The following FAM118A variants were observed in gnomAD, a reference collection of about 807,000 sequenced individuals.
FAM118A encodes the protein SIR2 antiphage like 2, also known as protein FAM118A.
A neutral mutation model predicts 38.2 loss-of-function variants in FAM118A; 25 were observed. The ratio of observed to expected loss-of-function variants is 0.65; its 90% CI spans 0.48 to 0.91. The LOEUF (loss-of-function observed/expected upper bound fraction) is 0.91, where lower values mean the gene tolerates loss of function less well. FAM118A is among the 40% of genes least tolerant of loss of function. The probability of loss-of-function intolerance (pLI) is 0.00; values close to 1 mark genes in which losing one functional copy is unlikely to be tolerated. For missense variants in FAM118A, 425 were observed against 463.3 expected, an observed-to-expected ratio of 0.92 and a Z score of 0.76; for synonymous variants, 178 against 184.1, an observed-to-expected ratio of 0.97 and a Z score of 0.27.
At chr22:45,334,427 G>GT (rs1418265219) in intron 6 of FAM118A, among the ~76,000 whole-genome samples, 1 of 152,126 alleles carries the variant, frequency 6.6e-6, no homozygotes, top group African/African-American at 2.4e-5. Context: ...AGTTTTTGTT[G>GT]TTTTTTTAAC....
chr22:45,336,974 A>G (rs1324255820), intron 8 of FAM118A, among the ~76,000 whole-genome samples: 3 of 152,214 alleles, frequency 2.0e-5, no homozygotes, highest in Non-Finnish European at 2.9e-5. Flanking sequence ...TTATCTAAAC[A>G]GTGTATTTGA....
intron 8 of FAM118A, among the ~76,000 whole-genome samples, chr22:45,338,292 C>T (rs151104924): frequency 0.026 from 3,991 of 152,094 alleles, 90 homozygotes; most frequent in Non-Finnish European, 0.041. Context: ...TGCAGTGGCG[C>T]GATCTCGGCT....
intron 6 of FAM118A, chr22:45,335,075 GGA>G (rs2085989938): frequency 2.1e-6 from 1 of 466,988 alleles, no homozygotes; most frequent in African/African-American, 2.0e-5. Flanking sequence ...ACTCCTGATG[GGA>G]GAGGAGGCCC....
rs1198234087 is a variant in FAM118A, at chr22:45,332,481, G to A, written c.708G>A (p.Glu236=). ...TKSFLFVGCG[E]TLRDQIFQAL... is the part of the protein sequence containing the mutation. ...CCTTTCTGTTTGTGGGCTGTGGGGA[G>A]ACCCTTCGTGATCAGATATTCCAGG... Residue 236 remains glutamate (E), a synonymous_variant, in exon 6 of 9, where the codon GAG becomes GAA. Coordinates refer to ENST00000441876, the MANE Select transcript of FAM118A (RefSeq NM_017911.4). 1.9e-6 allele frequency: 3 copies of A among 1,614,066 alleles called. No individual in the cohort carries two copies. Among genetic ancestry groups the A allele is most frequent in the African/African-American group, 1.3e-5 (1 of 74,928 alleles).
rs958195497 is a variant in FAM118A at position 45,340,744 on chromosome 22, A to T, written c.*339A>T. ...TGTCAAGGTGGTATTTTTCGTAATA[A>T]AAGGGGAAGAGTAAAGACTGTCCAA... On this transcript the variant is annotated 3_prime_UTR_variant, in exon 9 of 9. Coordinates refer to ENST00000441876, the MANE Select transcript of FAM118A (RefSeq NM_017911.4). 17 of 395,224 alleles carry T rather than the reference A, an allele frequency of 4.3e-5. No individual in the cohort carries two copies. The South Asian group carries it at 7.5e-4, about 17-fold the overall frequency. 24.5% of individuals were successfully genotyped at this position (395,224 alleles called of 1,614,324 possible).
rs559650552 is a variant in FAM118A at position 45,313,495 on chromosome 22, G to A, written c.-10+3312G>A. ...CTGCCACCTTGCCCAGCTACTTTTT[G>A]TATTTTTAGTAGAGACGGGGTTTCA... is the stretch of plus-strand genomic sequence containing the variant. On this transcript the variant is annotated intron_variant, in intron 1 of 8. Transcript: ENST00000441876. 1.4e-4 allele frequency among the ~76,000 whole-genome samples: 21 copies of A among 152,000 alleles called. No individual in the cohort carries two copies. The South Asian group carries it at 4.4e-3, about 32-fold the overall frequency.
At chr22:45,329,787 C>T (rs988539058) in intron 4 of FAM118A, 1 of 152,268 alleles carries the variant, frequency 6.6e-6, no homozygotes, top group African/African-American at 2.4e-5. Context: ...TGGAAACAGA[C>T]AGCCAGTTGC....
At chr22:45,327,347 G>C (rs924766560) in intron 3 of FAM118A, among the ~76,000 whole-genome samples, 1 of 151,630 alleles carries the variant, frequency 6.6e-6, no homozygotes, top group South Asian at 2.1e-4. Context: ...ACTGTGCAGC[G>C]CTCAGGGAAA....
chr22:45,327,022 AAAT>A (rs2085324219), intron 3 of FAM118A, among the ~76,000 whole-genome samples: 1 of 151,058 alleles, frequency 6.6e-6, no homozygotes, highest in African/African-American at 2.4e-5. Context: ...TCAAAAAATA[AAAT>A]AATAAAATGA....
At chr22:45,335,763 GC>G (rs1431364881) in intron 7 of FAM118A, among the ~76,000 whole-genome samples, 2 of 152,340 alleles carry the variant, frequency 1.3e-5, no homozygotes, top group Non-Finnish European at 2.9e-5. Context: ...GTCTGAGCTT[GC>G]ACACAGAAGC....
intron 3 of FAM118A, 48 bp downstream of exon 3, chr22:45,323,475 G>A: frequency 1.3e-6 from 2 of 1,592,096 alleles, no homozygotes; most frequent in East Asian, 2.2e-5. Context: ...TTCTGCAGCA[G>A]GTTGGATGAG....
At chr22:45,339,828 G>A (rs2086357980) in intron 8 of FAM118A, among the ~76,000 whole-genome samples, 1 of 152,194 alleles carries the variant, frequency 6.6e-6, no homozygotes, top group South Asian at 2.1e-4. Context: ...CTACTGCCTG[G>A]TAGACCTTGC....
chr22:45,339,365 C>T (rs981355160), intron 8 of FAM118A, among the ~76,000 whole-genome samples: 6 of 152,226 alleles, frequency 3.9e-5, no homozygotes, highest in East Asian at 1.9e-4. Context: ...CACCATTGTA[C>T]TCCAGCCTGG....
intron 8 of FAM118A, 42 bp downstream of exon 8, chr22:45,336,453 CTCTT>C (rs760065642): frequency 6.6e-7 from 1 of 1,509,836 alleles, no homozygotes; most frequent in South Asian, 1.1e-5. Flanking sequence ...CCTCGGGTCT[CTCTT>C]GTTGGCAGGC....
intron 1 of FAM118A, among the ~76,000 whole-genome samples, chr22:45,313,365 A>G (rs1219200241): frequency 7.6e-6 from 1 of 130,968 alleles, no homozygotes; most frequent in African/African-American, 2.9e-5. Context: ...TCTTGTTGCC[A>G]GGGCTGGAGT....
At chr22:45,309,670 T>A (rs559006934), upstream of FAM118A, 1 of 152,180 alleles carries the variant, frequency 6.6e-6, no homozygotes, top group Non-Finnish European at 1.5e-5. Flanking sequence ...GGACGCGGAC[T>A]CTAGGCCCAA....
intron 3 of FAM118A, among the ~76,000 whole-genome samples, chr22:45,325,166 C>G (rs1019133008): frequency 6.6e-6 from 1 of 152,164 alleles, no homozygotes; most frequent in Non-Finnish European, 1.5e-5. Context: ...GCACTGAGGG[C>G]CCTTGTTGTC....
Position 45,330,683 on chromosome 22 carries a change from G to A in FAM118A, c.603G>A (p.Val201=). ...TCTACACGGACCCCTGCGGGGTGGT[G>A]CTGGACCCATCGGGGTATAAAGACG... The part of the protein sequence containing the change: ...HGLYTDPCGV[V]LDPSGYKDVT... The change falls in exon 5 of 9, where the codon GTG becomes GTA. Residue 201 remains valine, a synonymous_variant. Coordinates refer to ENST00000441876, the MANE Select transcript of FAM118A (RefSeq NM_017911.4). 6.3e-7 allele frequency: 1 copy of A among 1,597,416 alleles called. No individual in the cohort carries two copies. Among genetic ancestry groups the A allele is most frequent in the Non-Finnish European group, 8.5e-7 (1 of 1,173,956 alleles).
At chr22:45,339,162 T>C (rs868475254) in intron 8 of FAM118A, among the ~76,000 whole-genome samples, 1 of 152,202 alleles carries the variant, frequency 6.6e-6, no homozygotes. Context: ...ACCAGCACTT[T>C]GGGAGGCTGA....
Sources: allele counts gnomAD v4.1 joint callset (sites outside exome capture counted in the v4.1 genomes callset), GRCh38; gene constraint gnomAD v4.1.1; transcripts MANE v1.5; gene names NCBI Gene and HGNC (gene_info 2026-07-23, HGNC 2026-07-21).